The following CYFIP2 variants were observed in gnomAD, a reference collection of about 807,000 sequenced individuals.
CYFIP2 encodes the protein cytoplasmic FMR1 interacting protein 2.
Under a neutral mutation model 158.7 loss-of-function variants are expected in CYFIP2, and 29 were observed. The ratio of observed to expected loss-of-function variants is 0.18; its 90% CI spans 0.14 to 0.25. CYFIP2 has a LOEUF of 0.25. Ranked by LOEUF, CYFIP2 falls within the 10% of genes least tolerant of loss-of-function variation. The probability of loss-of-function intolerance (pLI) is 1.00; values close to 1 mark genes in which losing one functional copy is unlikely to be tolerated. For synonymous variants in CYFIP2, 585 were observed against 617.6 expected (o/e 0.95, Z 0.78); for missense variants, 852 against 1,639.5 (o/e 0.52, Z 8.29).
chr5:157,278,476 A>G (rs748593426), intron 1 of CYFIP2, among the ~76,000 whole-genome samples: 4 of 152,202 alleles, frequency 2.6e-5, no homozygotes, highest in Non-Finnish European at 5.9e-5. Flanking sequence ...TAGAATTGGG[A>G]GTCAAGGTAT....
intron 15 of CYFIP2, chr5:157,323,093 A>G: frequency 7.5e-7 from 1 of 1,329,430 alleles, no homozygotes; most frequent in Non-Finnish European, 1.0e-6. Flanking sequence ...CTGGCTCCTC[A>G]AGGCCCCTTC....
intron 3 of CYFIP2, among the ~76,000 whole-genome samples, chr5:157,288,132 G>A (rs1757536079): frequency 6.6e-6 from 1 of 152,126 alleles, no homozygotes; most frequent in Non-Finnish European, 1.5e-5. Flanking sequence ...TATGATTATG[G>A]AGGCTGGAAA....
chr5:157,281,943 C>T (rs1166472450), intron 1 of CYFIP2, among the ~76,000 whole-genome samples: 3 of 152,210 alleles, frequency 2.0e-5, no homozygotes, highest in Non-Finnish European at 2.9e-5. Context: ...TAAATGAGTG[C>T]ATGCTCTCCA....
chr5:157,356,681 A>G (rs1249176093), intron 23 of CYFIP2, among the ~76,000 whole-genome samples: 3 of 152,220 alleles, frequency 2.0e-5, no homozygotes, highest in African/African-American at 7.2e-5. Flanking sequence ...AGGAGAATAC[A>G]GAGTGGGGCT....
In CYFIP2 at chr5:157,323,231, T is replaced by C. The variant is rs560402571; in HGVS notation, c.1672-690T>C. On this transcript the variant is annotated intron_variant, in intron 15 of 30. Transcript: ENST00000620254. Reference sequence around the variant, plus strand: ...GGGAGTTAATTGTCTAGTAGCCTCCTGTGTAAGTACCAATGTTAACCCGCC... The same window carrying C: ...GGGAGTTAATTGTCTAGTAGCCTCCCGTGTAAGTACCAATGTTAACCCGCC... Among the ~76,000 whole-genome samples the C allele has an allele frequency of 4.3e-4, 66 of 152,320 alleles. No individual in the cohort carries two copies. The South Asian group carries it at 7.3e-3, about 17-fold the overall frequency.
At chr5:157,369,037 C>A (rs929544605) in intron 26 of CYFIP2, among the ~76,000 whole-genome samples, 2 of 151,726 alleles carry the variant, frequency 1.3e-5, no homozygotes, top group African/African-American at 4.8e-5. Context: ...TAGCTGGGAT[C>A]ACAAGCATGT....
chr5:157,369,003 A>G (rs563029626), intron 26 of CYFIP2, among the ~76,000 whole-genome samples: 46 of 151,310 alleles, frequency 3.0e-4, no homozygotes, highest in African/African-American at 1.0e-3. Context: ...GGTTCAAGCG[A>G]TTCTCATCCC....
At chr5:157,347,550 G>A (rs1489024602) in intron 23 of CYFIP2, among the ~76,000 whole-genome samples, 2 of 152,116 alleles carry the variant, frequency 1.3e-5, no homozygotes, top group Non-Finnish European at 2.9e-5. Context: ...GAGTCCCCAC[G>A]GAGCATAAAA....
At chr5:157,329,148 G>T (rs913609826) in intron 19 of CYFIP2, among the ~76,000 whole-genome samples, 2 of 152,246 alleles carry the variant, frequency 1.3e-5, no homozygotes, top group Non-Finnish European at 2.9e-5. Context: ...CACAGGATGT[G>T]CATTAAATAA....
chr5:157,391,976 T>C (rs547686336), intron 30 of CYFIP2, among the ~76,000 whole-genome samples: 2 of 152,014 alleles, frequency 1.3e-5, no homozygotes, highest in South Asian at 4.1e-4. Flanking sequence ...GAAAAAGTTA[T>C]CTTGTTGTGA....
At chr5:157,300,633 C>T in intron 5 of CYFIP2, 82 bp from the exon 6 acceptor site, 1 of 1,235,238 alleles carries the variant, frequency 8.1e-7, no homozygotes, top group Admixed American at 3.8e-5. Flanking sequence ...AGGGCTGGCT[C>T]TGAGGAGGGC....
intron 15 of CYFIP2, among the ~76,000 whole-genome samples, chr5:157,322,486 C>A (rs1458600538): frequency 6.6e-6 from 1 of 152,240 alleles, no homozygotes; most frequent in Admixed American, 6.5e-5. Context: ...AACTGGACAG[C>A]ACCCACAACA....
intron 26 of CYFIP2, among the ~76,000 whole-genome samples, chr5:157,371,044 T>G (rs1764949450): frequency 6.6e-6 from 1 of 152,202 alleles, no homozygotes; most frequent in Admixed American, 6.5e-5. Context: ...GTCTCTCGGT[T>G]GGGCTTTCCA....
At chr5:157,341,304 A>G in intron 23 of CYFIP2, 147 bp downstream of exon 23, 1 of 706,656 alleles carries the variant, frequency 1.4e-6, no homozygotes, top group East Asian at 2.7e-5. Flanking sequence ...TAATCCCAGC[A>G]CTTCAGGAGA....
At chr5:157,325,683 TA>T in intron 17 of CYFIP2, 45 bp downstream of exon 17, 1 of 1,535,282 alleles carries the variant, frequency 6.5e-7, no homozygotes. Context: ...GGGGTACAAG[TA>T]GAGGGCAGTT....
At chr5:157,344,040 T>G (rs1762496674) in intron 23 of CYFIP2, among the ~76,000 whole-genome samples, 1 of 152,152 alleles carries the variant, frequency 6.6e-6, no homozygotes, top group African/African-American at 2.4e-5. Flanking sequence ...GCCCACTGCT[T>G]TTTTTAGCCT....
rs951545736 is a variant in CYFIP2 at position 157,313,078 on chromosome 5, A to T, written c.1111-1266A>T. Among the ~76,000 whole-genome samples, 49 of 152,288 alleles carry T rather than the reference A, an allele frequency of 3.2e-4. 1 individual carries two copies. Among genetic ancestry groups the T allele is most frequent in the African/African-American group, 1.1e-3 (44 of 41,560 alleles). On this transcript the variant is annotated intron_variant, in intron 11 of 30. Transcript: ENST00000620254. ...ATGAGTCTGGCCAAAGATATTTTTT[A>T]AAATTATATGCTCTATACATGTTGA... is the stretch of plus-strand genomic sequence containing the variant.
intron 22 of CYFIP2, 112 bp from the exon 23 acceptor site, chr5:157,340,958 C>T (rs1762207863): frequency 4.3e-6 from 4 of 931,580 alleles, no homozygotes; most frequent in Non-Finnish European, 6.9e-6. Flanking sequence ...AAACAGTGCA[C>T]TTGTACCAGT....
chr5:157,377,869 A>G (rs954326462), intron 26 of CYFIP2, among the ~76,000 whole-genome samples: 4 of 152,250 alleles, frequency 2.6e-5, no homozygotes, highest in African/African-American at 9.6e-5. Context: ...CAATGTTTAC[A>G]TGAGATGTGG....
Sources: gnomAD v4.1 joint callset for allele counts (sites outside exome capture counted in the v4.1 genomes callset) on GRCh38, gnomAD v4.1.1 for gene constraint, MANE v1.5 for transcripts, NCBI Gene and HGNC (gene_info 2026-07-23, HGNC 2026-07-21) for gene names.